Variants in ZBBX observed in about 807,000 individuals in gnomAD.
The protein encoded by ZBBX is zinc finger B-box domain-containing protein 1.
A neutral mutation model predicts 108.5 loss-of-function variants in ZBBX; 101 were observed. The observed-to-expected ratio is 0.93, with a 90% CI of 0.79 to 1.10. ZBBX has a LOEUF of 1.10. ZBBX is among the 50% of genes least tolerant of loss of function. The pLI, the probability that ZBBX is intolerant of heterozygous loss-of-function variation, is 0.00. For missense variants in ZBBX, 1,009 were observed against 941.4 expected (o/e 1.07, Z -0.94); for synonymous variants, 356 against 323.4 (o/e 1.10, Z -1.08).
chr3:167,251,088 A>G (rs957980999), intron 20 of ZBBX, among the ~76,000 whole-genome samples: 4 of 152,176 alleles, frequency 2.6e-5, no homozygotes, highest in African/African-American at 9.7e-5. Flanking sequence ...CAGGCCACTG[A>G]CCAGCAGGAT....
At chr3:167,249,346 G>A (rs1050830277) in intron 20 of ZBBX, among the ~76,000 whole-genome samples, 1 of 152,126 alleles carries the variant, frequency 6.6e-6, no homozygotes, top group African/African-American at 2.4e-5. Context: ...CTCCTGTTTG[G>A]CATCTCAGGG....
chr3:167,285,097 A>T (rs1355992196), intron 19 of ZBBX, among the ~76,000 whole-genome samples: 2 of 152,164 alleles, frequency 1.3e-5, no homozygotes, highest in Non-Finnish European at 2.9e-5. Flanking sequence ...AAATGTAACA[A>T]AATAAATTTT....
the ZBBX span, among the ~76,000 whole-genome samples, chr3:167,192,912 T>C: frequency 1.3e-5 from 2 of 152,232 alleles, no homozygotes; most frequent in Admixed American, 1.3e-4. Flanking sequence ...TACTTTAAAC[T>C]GCTATTTTAG....
chr3:167,235,459 T>C (rs1720194402), downstream of ZBBX, among the ~76,000 whole-genome samples: 2 of 151,594 alleles, frequency 1.3e-5, no homozygotes, highest in Admixed American at 1.3e-4. Context: ...ATTTTCCCCC[T>C]GGAAATCTTT....
chr3:167,379,287 C>G (rs1747460069), intron 2 of ZBBX, among the ~76,000 whole-genome samples: 1 of 152,078 alleles, frequency 6.6e-6, no homozygotes, highest in Admixed American at 6.6e-5. Context: ...AGGTATAATA[C>G]CAGTCTTCAC....
At chr3:167,288,189 C>A (rs990060251) in intron 19 of ZBBX, among the ~76,000 whole-genome samples, 2 of 152,020 alleles carry the variant, frequency 1.3e-5, no homozygotes. Context: ...TAGAGCAAAC[C>A]CACTATAGCT....
chr3:167,279,940 G>A (rs1433772771), intron 20 of ZBBX, among the ~76,000 whole-genome samples: 12 of 151,714 alleles, frequency 7.9e-5, no homozygotes, highest in African/African-American at 1.2e-4. Flanking sequence ...CAGAAATAAC[G>A]CCGCATATCT....
chr3:167,331,559 G>C, intron 10 of ZBBX: 1 of 985,286 alleles, frequency 1.0e-6, no homozygotes, highest in Non-Finnish European at 1.2e-6. Flanking sequence ...TATGCCATTG[G>C]AATACCTGGC....
At chr3:167,300,125 T>A (rs906705234) in intron 17 of ZBBX, among the ~76,000 whole-genome samples, 1 of 152,204 alleles carries the variant, frequency 6.6e-6, no homozygotes, top group African/African-American at 2.4e-5. Context: ...CACTTTTTTA[T>A]TCCTCAGATA....
intron 4 of ZBBX, among the ~76,000 whole-genome samples, chr3:167,371,197 T>A (rs769693594): frequency 1.3e-5 from 2 of 152,186 alleles, no homozygotes; most frequent in Non-Finnish European, 2.9e-5. Context: ...TTCCAAACTC[T>A]TTACTATGAC....
At chr3:167,351,699 C>A (rs1471455326) in intron 8 of ZBBX, among the ~76,000 whole-genome samples, 2 of 152,142 alleles carry the variant, frequency 1.3e-5, no homozygotes, top group Admixed American at 6.6e-5. Flanking sequence ...AAGTGCTGAG[C>A]AGCTGCACTA....
upstream of ZBBX, among the ~76,000 whole-genome samples, chr3:167,384,718 C>T (rs1747854539): frequency 6.6e-6 from 1 of 151,972 alleles, no homozygotes; most frequent in Non-Finnish European, 1.5e-5. Context: ...CAATATAAAA[C>T]CCATATGTGA....
At chr3:167,257,526 T>C (rs910010733) in intron 20 of ZBBX, among the ~76,000 whole-genome samples, 30 of 152,308 alleles carry the variant, frequency 2.0e-4, no homozygotes, top group African/African-American at 7.0e-4. Context: ...GCTGTGGGTC[T>C]ATCATAGATG....
intron 10 of ZBBX, among the ~76,000 whole-genome samples, chr3:167,329,079 A>C (rs970862187): frequency 1.3e-5 from 2 of 152,204 alleles, no homozygotes; most frequent in Admixed American, 6.5e-5. Flanking sequence ...TCATCGATGC[A>C]TGTAATACAA....
the ZBBX span, among the ~76,000 whole-genome samples, chr3:167,225,010 T>G: frequency 6.6e-6 from 1 of 151,892 alleles, no homozygotes; most frequent in Non-Finnish European, 1.5e-5. Flanking sequence ...AGGAGGACCC[T>G]TTTTGGTTCT....
At chr3:167,200,658 A>G in the ZBBX span, among the ~76,000 whole-genome samples, 2 of 152,202 alleles carry the variant, frequency 1.3e-5, no homozygotes, top group Non-Finnish European at 2.9e-5. Flanking sequence ...TTCACAATAT[A>G]TGAGAATATG....
At chr3:167,400,663 C>T (rs941146900) in intron 1 of ZBBX, among the ~76,000 whole-genome samples, 1 of 151,956 alleles carries the variant, frequency 6.6e-6, no homozygotes, top group South Asian at 2.1e-4. Context: ...GTTGAGGGCC[C>T]GTACCCGTGA....
intron 20 of ZBBX, among the ~76,000 whole-genome samples, chr3:167,274,220 C>T (rs974854302): frequency 6.6e-6 from 1 of 152,196 alleles, no homozygotes; most frequent in Non-Finnish European, 1.5e-5. Context: ...TGATAGCCCT[C>T]TTTCAGGATG....
chr3:167,337,276 G>C (rs2108424112), intron 9 of ZBBX, among the ~76,000 whole-genome samples: 1 of 152,224 alleles, frequency 6.6e-6, no homozygotes, highest in East Asian at 1.9e-4. Flanking sequence ...CGAACACTTT[G>C]TGAGGCCGAG....
Sources: gnomAD v4.1 joint callset for allele counts (sites outside exome capture counted in the v4.1 genomes callset) on GRCh38, gnomAD v4.1.1 for gene constraint, MANE v1.5 for transcripts, NCBI Gene and HGNC (gene_info 2026-07-23, HGNC 2026-07-21) for gene names.